TRIP12: variants seen among roughly 807,000 people sequenced by gnomAD.
TRIP12 encodes the protein thyroid hormone receptor interactor 12, also known as E3 ubiquitin-protein ligase TRIP12.
TRIP12 carries 25 observed loss-of-function variants against 244.2 expected under a neutral mutation model. The ratio of observed to expected loss-of-function variants is 0.10; its 90% CI spans 0.07 to 0.14. The LOEUF (loss-of-function observed/expected upper bound fraction) is 0.14, where lower values mean the gene tolerates loss of function less well. TRIP12 is among the 10% of genes least tolerant of loss of function. TRIP12 has a pLI of 1.00. For synonymous variants in TRIP12, 905 were observed against 873.1 expected, an observed-to-expected ratio of 1.04 and a Z score of -0.64; for missense variants, 1,677 against 2,486.4, an observed-to-expected ratio of 0.67 and a Z score of 6.92.
chr2:229,847,919 A>T (rs890081541), intron 4 of TRIP12, among the ~76,000 whole-genome samples: 7 of 152,160 alleles, frequency 4.6e-5, no homozygotes, highest in African/African-American at 1.7e-4. Flanking sequence ...CACCAAAAAT[A>T]AGAGGGAGAG....
chr2:229,860,968 C>T (rs762218192), intron 2 of TRIP12, among the ~76,000 whole-genome samples: 9 of 152,084 alleles, frequency 5.9e-5, no homozygotes, highest in Admixed American at 1.3e-4. Flanking sequence ...ACACTGATAC[C>T]GATTTCCAAT....
intron 4 of TRIP12, among the ~76,000 whole-genome samples, chr2:229,857,336 G>GA (rs558823824): frequency 1.6e-4 from 25 of 152,056 alleles, no homozygotes; most frequent in Non-Finnish European, 3.1e-4. Context: ...TTCTGAAATA[G>GA]AAATAAGGAA....
At chr2:229,917,994 C>T (rs1272295388) in intron 1 of TRIP12, among the ~76,000 whole-genome samples, 5 of 152,146 alleles carry the variant, frequency 3.3e-5, no homozygotes, top group Non-Finnish European at 7.3e-5. Flanking sequence ...TATACCTTCA[C>T]ACATACCACA....
At chr2:229,797,557 G>A (rs1481319343) in intron 24 of TRIP12, 133 bp downstream of exon 24, 3 of 1,002,044 alleles carry the variant, frequency 3.0e-6, no homozygotes, top group Non-Finnish European at 4.3e-6. Context: ...CCAGCACCAA[G>A]GGTGTATATA....
chr2:229,891,384 C>T (rs1029052632), intron 1 of TRIP12, among the ~76,000 whole-genome samples: 2 of 152,070 alleles, frequency 1.3e-5, no homozygotes, highest in Non-Finnish European at 2.9e-5. Flanking sequence ...GAGATCATGC[C>T]ACTGTACTCT....
intron 4 of TRIP12, among the ~76,000 whole-genome samples, chr2:229,849,766 G>C (rs371413386): frequency 2.0e-5 from 3 of 151,980 alleles, no homozygotes; most frequent in Non-Finnish European, 4.4e-5. Flanking sequence ...CCAGCTACCC[G>C]GGATGCTGAG....
intron 25 of TRIP12, among the ~76,000 whole-genome samples, chr2:229,795,655 G>C (rs1433064007): frequency 1.3e-5 from 2 of 152,182 alleles, no homozygotes; most frequent in Non-Finnish European, 2.9e-5. Flanking sequence ...GAATATTCAT[G>C]TTATGCTATA....
rs763867893 is a variant in TRIP12, at chr2:229,778,737, T to C, written c.5209+139A>G. 1.5e-6 allele frequency: 2 copies of C among 1,335,350 alleles called. No individual in the cohort carries two copies. The highest frequency in any genetic ancestry group is 1.0e-6 in the Non-Finnish European group (1 of 966,420). The allele number at this position is 1,335,350 out of a possible 1,614,324, so 82.7% of individuals were successfully genotyped here. A position where few individuals can be genotyped will look rare whatever the true frequency, so the allele number is the denominator to read the frequency against. ...CCTCTAGAACTGGACAGGCCTTCCC[T>C]ATTTGATAAATGAGAAAACAGAGGC... is the stretch of plus-strand genomic sequence containing the variant. On this transcript the variant is annotated intron_variant, in intron 35 of 41. Transcript: ENST00000675903. This position sits in a 1 kb window ranked among gnomAD's most constrained non-coding sequence, Gnocchi z 4.1.
intron 9 of TRIP12, among the ~76,000 whole-genome samples, chr2:229,817,989 T>C (rs1460711784): frequency 6.6e-6 from 1 of 152,120 alleles, no homozygotes; most frequent in African/African-American, 2.4e-5. Context: ...GAAACCTTTC[T>C]GGCCCCCCGA....
At position 229,921,116 on chromosome 2, in the gene TRIP12, G is replaced by T. The variant is rs186208011; in HGVS notation, c.-50+764C>A. On this transcript the variant is annotated intron_variant, in intron 1 of 41. Transcript: ENST00000675903. ...TCTATTCCTCTCAGTCAAGTTTCTC[G>T]GCTTCTTTAGGCCTCCCTGCATGCC... 2.2e-3 allele frequency among the ~76,000 whole-genome samples: 321 copies of T among 147,434 alleles called. 1 individual carries two copies. Among genetic ancestry groups the T allele is most frequent in the Admixed American group, 6.3e-3 (90 of 14,318 alleles).
rs772616296 is a variant in TRIP12 at position 229,799,371 on chromosome 2, A to G, written c.3219T>C (p.Asp1073=). 64 of 1,614,010 alleles carry G rather than the reference A, an allele frequency of 4.0e-5. No homozygotes were observed. The highest frequency in any genetic ancestry group is 1.6e-4 in the Middle Eastern group (1 of 6,084). ...TTGGCAGTCGTTTTCTCTTTAGAAC[A>G]TCACTTAATCGACTGTCCATGGGAA... ...LDLSPQGRLS[D]VLKRKRLPKR... is the part of the protein sequence containing the mutation. The change falls in exon 22 of 42, where the codon GAT becomes GAC. Residue 1073 remains aspartate (D), a synonymous_variant. Transcript: ENST00000675903.
intron 1 of TRIP12, among the ~76,000 whole-genome samples, chr2:229,915,624 G>C (rs2075232851): frequency 1.5e-4 from 1 of 6,738 alleles, no homozygotes; most frequent in Non-Finnish European, 5.7e-3. Flanking sequence ...CCTTATAAAA[G>C]TTAAAAAAAG....
chr2:229,830,685 T>C (rs2053115541), intron 7 of TRIP12, 71 bp downstream of exon 7: 1 of 1,424,158 alleles, frequency 7.0e-7, no homozygotes, highest in Admixed American at 1.9e-5. Context: ...ACTAAATTAA[T>C]TTCAATAAAG....
intron 19 of TRIP12, 60 bp from the exon 20 acceptor site, chr2:229,803,749 C>T: frequency 7.8e-7 from 1 of 1,287,176 alleles, no homozygotes; most frequent in South Asian, 1.3e-5. Flanking sequence ...TATTTTTGGC[C>T]ATACTACTTT....
intron 1 of TRIP12, among the ~76,000 whole-genome samples, chr2:229,889,144 A>G (rs1293943339): frequency 6.6e-6 from 1 of 152,238 alleles, no homozygotes; most frequent in African/African-American, 2.4e-5. Context: ...TTGGATCAGA[A>G]GAGCATATCA....
intron 1 of TRIP12, among the ~76,000 whole-genome samples, chr2:229,903,485 C>T (rs950440100): frequency 4.0e-5 from 6 of 151,898 alleles, no homozygotes; most frequent in African/African-American, 7.3e-5. Flanking sequence ...AGATGACGTT[C>T]CACGGAGCAA....
At chr2:229,922,901 C>T (rs925292992), upstream of TRIP12, among the ~76,000 whole-genome samples, 3 of 152,198 alleles carry the variant, frequency 2.0e-5, no homozygotes, top group African/African-American at 7.2e-5. Flanking sequence ...TTCCTCCGCG[C>T]GAAGAGGAAA....
intron 33 of TRIP12, among the ~76,000 whole-genome samples, chr2:229,786,625 G>A (rs975238060): frequency 1.5e-5 from 2 of 133,076 alleles, no homozygotes; most frequent in Non-Finnish European, 3.1e-5. Flanking sequence ...CACCATGTTG[G>A]CCAGGATGGT....
Position 229,777,170 on chromosome 2 carries a change from T to G in TRIP12, c.5529+145A>C, listed in dbSNP as rs909689820. ...TCATGTGACCCACTGTGAAATCATATGTCTTAGTTAGTACAATAAAAGAAT... is the reference window on the plus strand; with the variant it reads ...TCATGTGACCCACTGTGAAATCATAGGTCTTAGTTAGTACAATAAAAGAAT... On this transcript the variant is annotated intron_variant, in intron 37 of 41. Transcript: ENST00000675903. 1.8e-5 allele frequency: 15 copies of G among 853,964 alleles called. No homozygotes were observed. The African/African-American group carries it at 2.2e-4, about 13-fold the overall frequency. The allele number at this position is 853,964 out of a possible 1,614,324, so 52.9% of individuals were successfully genotyped here.
Sources: allele counts gnomAD v4.1 joint callset (sites outside exome capture counted in the v4.1 genomes callset), GRCh38; gene constraint gnomAD v4.1.1; non-coding constraint Gnocchi (gnomAD v3.1); transcripts MANE v1.5; gene names NCBI Gene and HGNC (gene_info 2026-07-23, HGNC 2026-07-21).